The following LRRC37A2 variants were observed in gnomAD, a reference collection of about 807,000 sequenced individuals.
LRRC37A2 encodes leucine rich repeat containing 37 member A2.
In LRRC37A2, 9 loss-of-function variants were observed where a neutral mutation model predicts 68.8. The ratio of observed to expected loss-of-function variants is 0.13; its 90% CI spans 0.08 to 0.23. The LOEUF (loss-of-function observed/expected upper bound fraction) is 0.23. Among genes scored for constraint, LRRC37A2 ranks in the 10% least tolerant of loss-of-function variants. LRRC37A2 has a pLI of 1.00. For synonymous variants in LRRC37A2, 63 were observed against 367.6 expected (o/e 0.17, Z 9.48); for missense variants, 168 against 950.4 (o/e 0.18, Z 10.82).
the LRRC37A2 span, among the ~76,000 whole-genome samples, chr17:46,842,188 C>T: frequency 9.9e-5 from 15 of 152,208 alleles, no homozygotes; most frequent in African/African-American, 3.4e-4. Context: ...CAGGCCACTT[C>T]GCCTCTCTGT....
the LRRC37A2 span, among the ~76,000 whole-genome samples, chr17:46,771,896 C>T: frequency 5.5e-5 from 8 of 145,664 alleles, no homozygotes; most frequent in Non-Finnish European, 1.2e-4. Context: ...CCGCCCCTGC[C>T]CCCGCCCCCG....
the LRRC37A2 span, among the ~76,000 whole-genome samples, chr17:46,747,900 G>A: frequency 6.6e-6 from 1 of 151,978 alleles, no homozygotes; most frequent in African/African-American, 2.4e-5. Flanking sequence ...TTAGAAAGAA[G>A]GAATCTAGTG....
the LRRC37A2 span, among the ~76,000 whole-genome samples, chr17:46,911,824 A>C: frequency 2.0e-5 from 3 of 152,214 alleles, no homozygotes; most frequent in Non-Finnish European, 2.9e-5. Context: ...CAGAGGTTGC[A>C]GTAAGCCGAG....
chr17:46,923,166 G>C, the LRRC37A2 span: 2 of 1,473,544 alleles, frequency 1.4e-6, no homozygotes, highest in East Asian at 2.5e-5. Flanking sequence ...AGCCAGAGCC[G>C]GAGCCGTGGC....
chr17:46,980,666 C>A, the LRRC37A2 span, among the ~76,000 whole-genome samples: 243 of 83,742 alleles, frequency 2.9e-3, 1 homozygote, highest in Middle Eastern at 6.8e-3. Context: ...ACTAAAAATA[C>A]AAAAAAAAAA....
the LRRC37A2 span, chr17:46,769,795 C>T: frequency 1.9e-6 from 3 of 1,611,806 alleles, no homozygotes; most frequent in Non-Finnish European, 2.5e-6. Flanking sequence ...TGCGGCCCGC[C>T]TCGTTGTTGT....
the LRRC37A2 span, among the ~76,000 whole-genome samples, chr17:46,866,148 C>T: frequency 6.6e-6 from 1 of 152,034 alleles, no homozygotes; most frequent in Admixed American, 6.5e-5. Flanking sequence ...GGTGTGCTCA[C>T]AGTAGGGGAA....
chr17:46,957,000 G>A, the LRRC37A2 span, among the ~76,000 whole-genome samples: 5 of 152,294 alleles, frequency 3.3e-5, no homozygotes, highest in African/African-American at 7.2e-5. Context: ...GAGGCTGCCC[G>A]CTGACAGGTG....
chr17:46,413,521 C>CACAT, the LRRC37A2 span, among the ~76,000 whole-genome samples: 1 of 25,360 alleles, frequency 3.9e-5, no homozygotes, highest in African/African-American at 6.3e-5. Flanking sequence ...CACACACACA[C>CACAT]ATCTTTTATC....
chr17:46,709,102 C>G, the LRRC37A2 span, among the ~76,000 whole-genome samples: 1 of 152,090 alleles, frequency 6.6e-6, no homozygotes, highest in Admixed American at 6.6e-5. Flanking sequence ...GGATTACAGG[C>G]ATGAGCCACT....
chr17:46,846,903 C>T, the LRRC37A2 span, among the ~76,000 whole-genome samples: 3 of 152,152 alleles, frequency 2.0e-5, no homozygotes, highest in Non-Finnish European at 4.4e-5. Context: ...GCCCTTCCCG[C>T]AGAAGGACAG....
At chr17:46,710,753 T>G in the LRRC37A2 span, among the ~76,000 whole-genome samples, 21 of 152,342 alleles carry the variant, frequency 1.4e-4, no homozygotes, top group African/African-American at 4.3e-4. Context: ...ATTGTTTTTA[T>G]TCCATTAAGT....
chr17:46,418,234 T>TGCGC, the LRRC37A2 span, among the ~76,000 whole-genome samples: 1 of 66,844 alleles, frequency 1.5e-5, no homozygotes, highest in Non-Finnish European at 3.7e-5. Flanking sequence ...TGTGTGTGTG[T>TGCGC]GCGCGCGCGC....
the LRRC37A2 span, among the ~76,000 whole-genome samples, chr17:46,769,493 C>A: frequency 5.1e-4 from 77 of 152,286 alleles, no homozygotes; most frequent in African/African-American, 1.6e-3. Context: ...CCCTACACCG[C>A]GTGCCAAGGT....
the LRRC37A2 span, among the ~76,000 whole-genome samples, chr17:46,693,389 G>A: frequency 3.9e-5 from 6 of 151,972 alleles, no homozygotes; most frequent in Admixed American, 2.6e-4. Flanking sequence ...AGGCCTTCGG[G>A]GGTCCTCAGA....
chr17:46,901,803 ATTTTTTTTTT>A, the LRRC37A2 span, among the ~76,000 whole-genome samples: 11 of 128,210 alleles, frequency 8.6e-5, no homozygotes, highest in African/African-American at 3.7e-4. Flanking sequence ...TGGAGCAAGA[ATTTTTTTTTT>A]TTTTTTTTTT....
the LRRC37A2 span, among the ~76,000 whole-genome samples, chr17:46,711,887 G>A: frequency 6.6e-6 from 1 of 152,162 alleles, no homozygotes; most frequent in Non-Finnish European, 1.5e-5. Context: ...AAAGTCCTGG[G>A]CAGGAAGGAG....
At chr17:47,042,145 A>C in the LRRC37A2 span, 2 of 143,266 alleles carry the variant, frequency 1.4e-5, 1 homozygote, top group Admixed American at 1.4e-4. Flanking sequence ...CATCGACCAC[A>C]GACTAATTAA....
chr17:46,492,109 G>A, the LRRC37A2 span, among the ~76,000 whole-genome samples: 32 of 151,002 alleles, frequency 2.1e-4, 1 homozygote, highest in African/African-American at 4.7e-4. Context: ...GATTACAGGC[G>A]CCCGCCACTA....
Sources: allele counts gnomAD v4.1 joint callset (sites outside exome capture counted in the v4.1 genomes callset), GRCh38; gene constraint gnomAD v4.1.1; transcripts MANE v1.5; gene names NCBI Gene and HGNC (gene_info 2026-07-23, HGNC 2026-07-21).